Variants in AKAP19 observed in about 807,000 individuals in gnomAD.
The protein encoded by AKAP19 is small A-kinase anchoring protein.
At chr2:190,186,431 G>T in the AKAP19 span, among the ~76,000 whole-genome samples, 1 of 152,164 alleles carries the variant, frequency 6.6e-6, no homozygotes, top group Non-Finnish European at 1.5e-5. This position sits in a 1 kb window ranked among gnomAD's most constrained non-coding sequence, Gnocchi z 5.5. Flanking sequence ...GTCATCCTGA[G>T]CCCATCCTGT....
chr2:189,986,949 G>T, the AKAP19 span, among the ~76,000 whole-genome samples: 1 of 152,172 alleles, frequency 6.6e-6, no homozygotes, highest in South Asian at 2.1e-4. Context: ...AAGGAGACAG[G>T]AAGCCAAGAA....
At chr2:190,198,813 A>G in the AKAP19 span, among the ~76,000 whole-genome samples, 7 of 152,146 alleles carry the variant, frequency 4.6e-5, no homozygotes, top group Admixed American at 1.3e-4. Flanking sequence ...TGTTTTAGTT[A>G]TCCTTAAGTC....
the AKAP19 span, among the ~76,000 whole-genome samples, chr2:190,146,892 G>C: frequency 6.6e-6 from 1 of 152,118 alleles, no homozygotes; most frequent in African/African-American, 2.4e-5. Context: ...TATAGATTCT[G>C]AATATTAGTC....
the AKAP19 span, among the ~76,000 whole-genome samples, chr2:189,900,636 A>C: frequency 1.3e-5 from 2 of 151,912 alleles, no homozygotes; most frequent in Admixed American, 6.6e-5. Context: ...GAGTGTCAGT[A>C]TTTTATTATT....
the AKAP19 span, among the ~76,000 whole-genome samples, chr2:190,154,076 C>T: frequency 8.4e-3 from 1,278 of 152,038 alleles, 20 homozygotes; most frequent in African/African-American, 0.03. Context: ...TATTTCAACA[C>T]GAAATTTCAG....
the AKAP19 span, among the ~76,000 whole-genome samples, chr2:190,003,532 C>T: frequency 6.6e-6 from 1 of 152,028 alleles, no homozygotes; most frequent in East Asian, 1.9e-4. Flanking sequence ...TGTTTATTTA[C>T]TTTCTTAATA....
chr2:190,077,680 T>C, the AKAP19 span, among the ~76,000 whole-genome samples: 666 of 152,282 alleles, frequency 4.4e-3, 7 homozygotes, highest in African/African-American at 0.015. Flanking sequence ...TAATTTTTTA[T>C]TGAGTGCAGG....
At chr2:190,086,645 C>T in the AKAP19 span, among the ~76,000 whole-genome samples, 1 of 152,176 alleles carries the variant, frequency 6.6e-6, no homozygotes, top group Non-Finnish European at 1.5e-5. Context: ...GTGACCTGAA[C>T]CTTCATTCCT....
the AKAP19 span, among the ~76,000 whole-genome samples, chr2:189,949,807 C>A: frequency 6.7e-6 from 1 of 150,156 alleles, no homozygotes; most frequent in South Asian, 2.1e-4. Context: ...AATTTTTGTA[C>A]TTTTAGTAGA....
At chr2:190,021,702 G>A in the AKAP19 span, among the ~76,000 whole-genome samples, 2 of 152,234 alleles carry the variant, frequency 1.3e-5, no homozygotes, top group Non-Finnish European at 2.9e-5. Context: ...CTAATGGGCA[G>A]CATTTGCTGT....
chr2:190,191,067 T>C, the AKAP19 span, among the ~76,000 whole-genome samples: 2 of 152,212 alleles, frequency 1.3e-5, no homozygotes, highest in East Asian at 1.9e-4. Context: ...GTCATCCATA[T>C]TGGTGTACAT....
chr2:189,893,755 G>T, the AKAP19 span, among the ~76,000 whole-genome samples: 1 of 152,204 alleles, frequency 6.6e-6, no homozygotes, highest in South Asian at 2.1e-4. Context: ...TCAACTGACT[G>T]CAAATCAAAA....
chr2:190,059,131 T>C, the AKAP19 span, among the ~76,000 whole-genome samples: 1 of 152,046 alleles, frequency 6.6e-6, no homozygotes, highest in Non-Finnish European at 1.5e-5. Flanking sequence ...ACTAAGATCA[T>C]TGAATGATTA....
At chr2:190,071,521 A>C in the AKAP19 span, among the ~76,000 whole-genome samples, 2 of 152,174 alleles carry the variant, frequency 1.3e-5, no homozygotes, top group Non-Finnish European at 1.5e-5. Flanking sequence ...TATGCAGTAG[A>C]TTATACCATC....
chr2:189,979,261 C>A, the AKAP19 span, among the ~76,000 whole-genome samples: 1 of 151,766 alleles, frequency 6.6e-6, no homozygotes, highest in African/African-American at 2.4e-5. Context: ...AGAAGAGAAC[C>A]CAGAAATAAA....
At chr2:189,886,129 TA>T in the AKAP19 span, among the ~76,000 whole-genome samples, 2 of 152,154 alleles carry the variant, frequency 1.3e-5, no homozygotes, top group Admixed American at 1.3e-4. Flanking sequence ...AGTATTAATT[TA>T]TGTATGAGTC....
At chr2:189,990,916 A>C in the AKAP19 span, among the ~76,000 whole-genome samples, 7 of 152,200 alleles carry the variant, frequency 4.6e-5, no homozygotes, top group East Asian at 1.2e-3. Context: ...ATGCCTTTGC[A>C]TCCTCACAGC....
chr2:189,918,770 T>C, the AKAP19 span, among the ~76,000 whole-genome samples: 1 of 152,204 alleles, frequency 6.6e-6, no homozygotes, highest in African/African-American at 2.4e-5. Flanking sequence ...TATCAATAGA[T>C]ATGTTGTCCA....
the AKAP19 span, among the ~76,000 whole-genome samples, chr2:190,018,827 G>A: frequency 6.6e-6 from 1 of 152,114 alleles, no homozygotes; most frequent in African/African-American, 2.4e-5. Context: ...TGTGATTCTG[G>A]ATGGGCCAGC....
Sources: allele counts gnomAD v4.1 joint callset (sites outside exome capture counted in the v4.1 genomes callset), GRCh38; gene constraint gnomAD v4.1.1; non-coding constraint Gnocchi (gnomAD v3.1); transcripts MANE v1.5; gene names NCBI Gene and HGNC (gene_info 2026-07-23, HGNC 2026-07-21).